Variants in ZNF821 observed in about 807,000 individuals in gnomAD.
ZNF821 encodes the protein zinc finger protein 821.
ZNF821 carries 16 observed loss-of-function variants against 44.3 expected under a neutral mutation model. The observed-to-expected ratio is 0.36, with a 90% confidence interval of 0.24 to 0.55. The LOEUF (loss-of-function observed/expected upper bound fraction) is 0.55. Among genes scored for constraint, ZNF821 ranks in the 20% least tolerant of loss-of-function variants. The pLI is 0.86. For missense variants in ZNF821, 436 were observed against 547.6 expected (o/e 0.80, Z 2.03); for synonymous variants, 204 against 197.6 (o/e 1.03, Z -0.27).
At chr16:71,886,614 C>A (rs941085071), upstream of ZNF821, among the ~76,000 whole-genome samples, 1 of 152,114 alleles carries the variant, frequency 6.6e-6, no homozygotes, top group Non-Finnish European at 1.5e-5. Context: ...TATATTCCAA[C>A]AATAAAGGTA....
chr16:71,879,083 C>T (rs1190603723), intron 3 of ZNF821, among the ~76,000 whole-genome samples: 8 of 152,148 alleles, frequency 5.3e-5, no homozygotes, highest in Non-Finnish European at 1.2e-4. Context: ...CTAAATGTCA[C>T]TCCCCTCTCC....
intron 7 of ZNF821, 91 bp downstream of exon 7, chr16:71,861,685 A>G: frequency 2.6e-6 from 4 of 1,514,136 alleles, no homozygotes; most frequent in Non-Finnish European, 3.6e-6. Context: ...CCTTTGCATT[A>G]CCTATTTCTA....
intron 6 of ZNF821, among the ~76,000 whole-genome samples, chr16:71,862,735 T>C (rs2034046950): frequency 6.6e-6 from 1 of 152,276 alleles, no homozygotes; most frequent in Admixed American, 6.5e-5. Flanking sequence ...ATGAACCAAC[T>C]ATCTTTATGG....
chr16:71,877,356 G>A (rs1018417645), intron 3 of ZNF821, among the ~76,000 whole-genome samples: 4 of 152,044 alleles, frequency 2.6e-5, no homozygotes, highest in South Asian at 2.1e-4. Context: ...AACTTCCCAG[G>A]CTCCAGCCAT....
At chr16:71,886,439 T>A (rs2036852849), upstream of ZNF821, among the ~76,000 whole-genome samples, 1 of 152,226 alleles carries the variant, frequency 6.6e-6, no homozygotes, top group Non-Finnish European at 1.5e-5. Context: ...TAGAAGACCT[T>A]TTAATTAACC....
chr16:71,876,205 TATTTA>T (rs918875634), intron 3 of ZNF821, among the ~76,000 whole-genome samples: 1 of 152,160 alleles, frequency 6.6e-6, no homozygotes, highest in Non-Finnish European at 1.5e-5. Context: ...TGTGTCTTTT[TATTTA>T]TTTATTTTTT....
Position 71,884,056 on chromosome 16 carries a change from G to A in ZNF821, c.-289C>T, listed in dbSNP as rs2036715231. On this transcript the variant is annotated 5_prime_UTR_variant, in exon 1 of 8. Transcript: ENST00000425432. ...GCCCCGGCGAGCGGAAGGGGCTCCG[G>A]GCCGAGCCGAGCCGGTGGCGGGGAG... is the stretch of plus-strand genomic sequence containing the variant. 6.6e-6 allele frequency: 1 copy of A among 152,290 alleles called. No homozygotes were observed. The highest frequency in any genetic ancestry group is 2.4e-5 in the African/African-American group (1 of 41,422). The allele number at this position is 152,290 out of a possible 1,614,324, so 9.4% of individuals were successfully genotyped here.
upstream of ZNF821, among the ~76,000 whole-genome samples, chr16:71,889,750 T>C (rs1424167195): frequency 1.3e-5 from 2 of 151,962 alleles, no homozygotes; most frequent in Non-Finnish European, 2.9e-5. Flanking sequence ...GACCTGATAA[T>C]GCCAGACCGG....
chr16:71,892,553 C>A (rs1256749381), intron 1 of ZNF821, among the ~76,000 whole-genome samples: 2 of 151,044 alleles, frequency 1.3e-5, no homozygotes, highest in Non-Finnish European at 3.0e-5. Context: ...CAGGTGTGAA[C>A]CACCGTGCCC....
intron 4 of ZNF821, among the ~76,000 whole-genome samples, chr16:71,867,257 A>G (rs1184713837): frequency 1.3e-5 from 2 of 152,222 alleles, no homozygotes; most frequent in Admixed American, 1.3e-4. Context: ...CCTAGGAGAC[A>G]GGGATTTTTT....
upstream of ZNF821, among the ~76,000 whole-genome samples, chr16:71,887,049 T>C (rs2036861298): frequency 6.6e-6 from 1 of 152,248 alleles, no homozygotes; most frequent in Non-Finnish European, 1.5e-5. Flanking sequence ...TTATATTCTG[T>C]TGTATGGATA....
chr16:71,878,886 T>A (rs1435448071), intron 3 of ZNF821, among the ~76,000 whole-genome samples: 2 of 143,884 alleles, frequency 1.4e-5, no homozygotes, highest in Non-Finnish European at 3.0e-5. Context: ...ATCACACTGC[T>A]ACACTCCAGC....
At chr16:71,880,522 G>A (rs1387292719) in intron 2 of ZNF821, 2 of 152,250 alleles carry the variant, frequency 1.3e-5, no homozygotes, top group African/African-American at 4.8e-5. Flanking sequence ...ACATCCCTGC[G>A]AGACAGAAAA....
chr16:71,894,638 G>C (rs1354025998), intron 1 of ZNF821: 1 of 521,786 alleles, frequency 1.9e-6, no homozygotes, highest in Admixed American at 3.3e-5. Context: ...CGATCTTCCT[G>C]CCTCAGCCTC....
chr16:71,868,563 C>G (rs1255802999), intron 3 of ZNF821, among the ~76,000 whole-genome samples: 2 of 152,210 alleles, frequency 1.3e-5, no homozygotes, highest in Non-Finnish European at 2.9e-5. Context: ...AAAACGTACC[C>G]TGGAAGTTCT....
intron 1 of ZNF821, chr16:71,894,396 G>A (rs1484852334): frequency 6.5e-6 from 1 of 154,308 alleles, no homozygotes; most frequent in African/African-American, 2.4e-5. Context: ...GGGATTACAG[G>A]CTTGCGCCAC....
At chr16:71,884,410 T>A (rs2036756377), upstream of ZNF821, among the ~76,000 whole-genome samples, 1 of 151,888 alleles carries the variant, frequency 6.6e-6, no homozygotes, top group African/African-American at 2.4e-5. Context: ...CGGGTCTTTC[T>A]CTGGCTGTCT....
At chr16:71,889,073 T>C (rs1459782514), upstream of ZNF821, among the ~76,000 whole-genome samples, 1 of 152,050 alleles carries the variant, frequency 6.6e-6, no homozygotes, top group East Asian at 1.9e-4. Flanking sequence ...AGTGAGATCC[T>C]GTCTCTACAA....
intron 3 of ZNF821, among the ~76,000 whole-genome samples, chr16:71,878,298 G>A (rs1044674800): frequency 6.6e-6 from 1 of 151,404 alleles, no homozygotes; most frequent in African/African-American, 2.4e-5. Context: ...TATTTTTAGT[G>A]GAGATGAGTT....
Sources: allele counts gnomAD v4.1 joint callset (sites outside exome capture counted in the v4.1 genomes callset), GRCh38; gene constraint gnomAD v4.1.1; transcripts MANE v1.5; gene names NCBI Gene and HGNC (gene_info 2026-07-23, HGNC 2026-07-21).